SLC39A8: variants seen among roughly 807,000 people sequenced by gnomAD.
The protein encoded by SLC39A8 is metal cation symporter ZIP8.
In SLC39A8, 15 loss-of-function variants were observed where a neutral mutation model predicts 40.4. That is an observed-to-expected ratio of 0.37 (90% CI 0.25 to 0.57). The LOEUF is 0.57. SLC39A8 is among the 20% of genes least tolerant of loss of function. The probability of loss-of-function intolerance (pLI) is 0.75; values close to 1 mark genes in which losing one functional copy is unlikely to be tolerated. For synonymous variants in SLC39A8, 223 were observed against 221.6 expected (o/e 1.01, Z -0.06); for missense variants, 472 against 558.8 (o/e 0.84, Z 1.57).
chr4:102,288,762 A>G (rs751595584), intron 6 of SLC39A8, among the ~76,000 whole-genome samples: 4 of 152,110 alleles, frequency 2.6e-5, no homozygotes, highest in Non-Finnish European at 5.9e-5. Context: ...AGTAGGAGCA[A>G]GCCCCTCTTT....
chr4:102,290,145 G>A (rs140508099), intron 6 of SLC39A8, among the ~76,000 whole-genome samples: 10 of 152,228 alleles, frequency 6.6e-5, no homozygotes, highest in East Asian at 3.9e-4. Context: ...TCAGAGGCAC[G>A]GCCCTCCACT....
intron 6 of SLC39A8, among the ~76,000 whole-genome samples, chr4:102,275,305 C>CAA (rs1404074740): frequency 6.8e-6 from 1 of 146,732 alleles, no homozygotes; most frequent in Non-Finnish European, 1.5e-5. Flanking sequence ...AAAACAAAAA[C>CAA]AAAACAAAAA....
At chr4:102,330,356 C>T (rs4699013) in intron 2 of SLC39A8, among the ~76,000 whole-genome samples, 23,503 of 152,138 alleles carry the variant, frequency 0.15, 2,008 homozygotes, top group Middle Eastern at 0.26. Flanking sequence ...ACTTATCCCA[C>T]AGAAATTCAA....
At chr4:102,259,247 T>C (rs1731782470), downstream of SLC39A8, among the ~76,000 whole-genome samples, 1 of 152,218 alleles carries the variant, frequency 6.6e-6, no homozygotes, top group Non-Finnish European at 1.5e-5. Flanking sequence ...TTTATTTTTC[T>C]TTCCTATGAC....
chr4:102,343,584 T>C (rs1003222514), intron 2 of SLC39A8, among the ~76,000 whole-genome samples: 22 of 152,252 alleles, frequency 1.4e-4, no homozygotes, highest in Middle Eastern at 3.4e-3. Context: ...CGGAGAGCAG[T>C]TTTGGAAGGA....
chr4:102,289,037 A>G (rs1037540310), intron 6 of SLC39A8, among the ~76,000 whole-genome samples: 1 of 152,176 alleles, frequency 6.6e-6, no homozygotes, highest in African/African-American at 2.4e-5. Flanking sequence ...ATAGCTAAAG[A>G]GAAGAAGTCA....
intron 2 of SLC39A8, among the ~76,000 whole-genome samples, chr4:102,323,933 A>G (rs956537122): frequency 6.6e-6 from 1 of 152,212 alleles, no homozygotes; most frequent in Non-Finnish European, 1.5e-5. Context: ...CTGTTAAACC[A>G]TATTTAGGAT....
At position 102,344,588 on chromosome 4, in the gene SLC39A8, T is replaced by G; in HGVS notation, c.75A>C (p.Pro25=). 1 of 1,546,120 alleles carries G rather than the reference T, an allele frequency of 6.5e-7. No individual in the cohort carries two copies. The highest frequency in any genetic ancestry group is 8.7e-7 in the Non-Finnish European group (1 of 1,145,682). Residue 25 remains proline, a synonymous_variant, in exon 2 of 9, where the codon CCA becomes CCC. Coordinates refer to ENST00000356736, the MANE Select transcript of SLC39A8 (RefSeq NM_001135146.2). The stretch of plus-strand genomic sequence containing the variant: ...GCACATCCTCGCTGAAGGCTAGCCC[T>G]GGCCCCTCCGCCACTCCTCCGAGGC... The part of the protein sequence containing the change: ...AAGLGGVAEG[P]GLAFSEDVLS...
At chr4:102,274,081 A>C (rs1012329881) in intron 6 of SLC39A8, among the ~76,000 whole-genome samples, 4 of 152,170 alleles carry the variant, frequency 2.6e-5, no homozygotes, top group Non-Finnish European at 2.9e-5. Flanking sequence ...AAGGGAACAA[A>C]ATCAGACGGA....
rs574643183 is a variant in SLC39A8 at position 102,319,806 on chromosome 4, C to T, written c.220-3976G>A. ...ATTTCTAGGGCGTTAAACATTACTT[C>T]TGAGGTGTCTGCAGGGTGGTTCCAG... is the stretch of plus-strand genomic sequence containing the variant. On this transcript the variant is annotated intron_variant, in intron 2 of 8. Transcript: ENST00000356736. 7.2e-5 allele frequency among the ~76,000 whole-genome samples: 11 copies of T among 152,170 alleles called. No homozygotes were observed. In the South Asian group the frequency reaches 1.5e-3, roughly 20 times the overall value.
At chr4:102,259,747 T>A (rs1578550587), downstream of SLC39A8, among the ~76,000 whole-genome samples, 1 of 152,316 alleles carries the variant, frequency 6.6e-6, no homozygotes, top group East Asian at 1.9e-4. Flanking sequence ...CACATTTGGA[T>A]GTCAGATCCA....
At position 102,344,557 on chromosome 4, in the gene SLC39A8, C is replaced by T. The variant is rs1736081085; in HGVS notation, c.106G>A (p.Val36Met). ...GLAFSEDVLS[V>M]FGANLSLSAA... is the part of the protein sequence containing the mutation. Reference sequence around the variant, plus strand: ...GACAGGCTCAGATTCGCGCCGAACACGCTCAGCACATCCTCGCTGAAGGCT... The same window carrying T: ...GACAGGCTCAGATTCGCGCCGAACATGCTCAGCACATCCTCGCTGAAGGCT... The change falls in exon 2 of 9, where the codon GTG becomes ATG. Residue 36 changes from valine to methionine, a missense_variant. This residue lies in a region of SLC39A8 where 175 missense variants were observed against 160.5 expected (regional missense o/e 1.09). Coordinates refer to ENST00000356736, the MANE Select transcript of SLC39A8 (RefSeq NM_001135146.2). 1.9e-6 allele frequency: 3 copies of T among 1,553,970 alleles called. No individual in the cohort carries two copies. Among genetic ancestry groups the T allele is most frequent in the South Asian group, 2.4e-5 (2 of 84,038 alleles).
chr4:102,258,276 C>T (rs1329244122), downstream of SLC39A8, among the ~76,000 whole-genome samples: 1 of 151,810 alleles, frequency 6.6e-6, no homozygotes, highest in African/African-American at 2.4e-5. Context: ...TTTTAAAGGG[C>T]AGATATAATC....
chr4:102,274,279 CA>C (rs1732511725), intron 6 of SLC39A8, among the ~76,000 whole-genome samples: 1 of 152,060 alleles, frequency 6.6e-6, no homozygotes, highest in African/African-American at 2.4e-5. Flanking sequence ...AGTCGAAAAA[CA>C]CAGCACAAGA....
chr4:102,283,386 GAATTAAGTA>G (rs1323049196), intron 6 of SLC39A8, among the ~76,000 whole-genome samples: 1 of 152,124 alleles, frequency 6.6e-6, no homozygotes, highest in Non-Finnish European at 1.5e-5. Flanking sequence ...AGGAATTTCT[GAATTAAGTA>G]GCTTGTTGCT....
intron 3 of SLC39A8, among the ~76,000 whole-genome samples, chr4:102,313,218 C>T (rs1317485879): frequency 6.6e-6 from 1 of 152,072 alleles, no homozygotes; most frequent in Admixed American, 6.6e-5. Context: ...CTGGCTCTAC[C>T]ACATGCAAGT....
Position 102,308,827 on chromosome 4 carries a change from A to G in SLC39A8, c.383-1222T>C, listed in dbSNP as rs553940815. On this transcript the variant is annotated intron_variant, in intron 3 of 8. Coordinates refer to ENST00000356736, the MANE Select transcript of SLC39A8 (RefSeq NM_001135146.2). ...CCAGGCCCTGTGCTAAGTGATCAAC[A>G]TATGTCAACTTATTTGAACCTCACA... 1.6e-4 allele frequency among the ~76,000 whole-genome samples: 25 copies of G among 152,228 alleles called. No homozygotes were observed. The East Asian group carries it at 3.9e-3, about 24-fold the overall frequency.
chr4:102,281,312 G>A (rs1171006982), intron 6 of SLC39A8, among the ~76,000 whole-genome samples: 1 of 152,116 alleles, frequency 6.6e-6, no homozygotes, highest in East Asian at 1.9e-4. Flanking sequence ...CAGCCTCAAG[G>A]CTTTCAGAAT....
intron 6 of SLC39A8, among the ~76,000 whole-genome samples, chr4:102,288,160 A>G (rs1032134800): frequency 6.6e-6 from 1 of 152,136 alleles, no homozygotes; most frequent in Non-Finnish European, 1.5e-5. Flanking sequence ...TTCTATCAGC[A>G]TGTGCTCATT....
Sources: gnomAD v4.1 joint callset for allele counts (sites outside exome capture counted in the v4.1 genomes callset) on GRCh38, gnomAD v4.1.1 for gene constraint, gnomAD v4.1.1 regional missense constraint, MANE v1.5 for transcripts, NCBI Gene and HGNC (gene_info 2026-07-23, HGNC 2026-07-21) for gene names.